The following MGST1 variants were observed in gnomAD, a reference collection of about 807,000 sequenced individuals.
The protein encoded by MGST1 is microsomal glutathione S-transferase 1.
MGST1 carries 5 observed loss-of-function variants against 8.9 expected under a neutral mutation model. The ratio of observed to expected loss-of-function variants is 0.56; its 90% CI spans 0.29 to 1.19. The LOEUF is 1.19. Ranked by LOEUF, MGST1 falls within the 50% of genes most tolerant of loss-of-function variation. MGST1 has a pLI of 0.08. For synonymous variants in MGST1, 54 were observed against 67.8 expected (o/e 0.80, Z 1.00); for missense variants, 182 against 187.4 (o/e 0.97, Z 0.17).
chr12:16,416,751 G>T (rs565882865), intron 1 of MGST1, among the ~76,000 whole-genome samples: 27 of 152,310 alleles, frequency 1.8e-4, no homozygotes, highest in Non-Finnish European at 3.1e-4. Flanking sequence ...ATGGCTGAGG[G>T]TGTATATGTA....
chr12:16,354,278 A>G lies in MGST1; in HGVS notation c.26A>G (p.Asp9Gly). The part of the protein sequence containing the change: MVDLTQVM[D>G]DEVFMAFASY... The stretch of plus-strand genomic sequence containing the variant: ...ATGGTTGACCTCACCCAGGTAATGG[A>G]TGATGAAGTATTCATGGCTTTTGCA... Residue 9 changes from aspartate to glycine, a missense_variant, in exon 2 of 4, where the codon GAT becomes GGT. Physicochemically the swap from Asp to Gly is moderately conservative, Grantham distance 94. Transcript: ENST00000396210. 2 of 1,605,622 alleles carry G rather than the reference A, an allele frequency of 1.2e-6. No individual in the cohort carries two copies. The highest frequency in any genetic ancestry group is 1.1e-5 in the South Asian group (1 of 87,876).
intron 1 of MGST1, among the ~76,000 whole-genome samples, chr12:16,428,268 A>C (rs1940910502): frequency 6.7e-6 from 1 of 150,146 alleles, no homozygotes; most frequent in Non-Finnish European, 1.5e-5. Flanking sequence ...ATTTTCATTG[A>C]TGTTAATCTA....
intron 1 of MGST1, among the ~76,000 whole-genome samples, chr12:16,436,444 G>C (rs1310078485): frequency 6.6e-6 from 1 of 151,804 alleles, no homozygotes; most frequent in Non-Finnish European, 1.5e-5. Context: ...AGTTCATTGA[G>C]GGAAGGAAAT....
At chr12:16,508,345 C>G (rs1941554242) in intron 4 of MGST1, among the ~76,000 whole-genome samples, 1 of 152,180 alleles carries the variant, frequency 6.6e-6, no homozygotes, top group Non-Finnish European at 1.5e-5. Context: ...TTACTTCCCT[C>G]AGAGTACTGT....
chr12:16,574,116 C>T (rs943586435), intron 4 of MGST1, among the ~76,000 whole-genome samples: 2 of 152,038 alleles, frequency 1.3e-5, no homozygotes, highest in African/African-American at 4.8e-5. Flanking sequence ...ACCTACTCTG[C>T]CGATTTGCTC....
chr12:16,381,372 A>C (rs1348146319), downstream of MGST1, among the ~76,000 whole-genome samples: 1 of 152,096 alleles, frequency 6.6e-6, no homozygotes, highest in Non-Finnish European at 1.5e-5. Flanking sequence ...TTGTCTGTAA[A>C]GTATTTTATT....
At chr12:16,386,008 A>G (rs991134492) in intron 1 of MGST1, among the ~76,000 whole-genome samples, 4 of 152,018 alleles carry the variant, frequency 2.6e-5, no homozygotes, top group African/African-American at 9.7e-5. Flanking sequence ...TCTTTGCTTC[A>G]TTTGGTCTTT....
downstream of MGST1, among the ~76,000 whole-genome samples, chr12:16,366,278 T>C (rs1940186349): frequency 6.6e-6 from 1 of 151,522 alleles, no homozygotes; most frequent in Non-Finnish European, 1.5e-5. The surrounding 1 kb of genome is among the most constrained non-coding windows in gnomAD (Gnocchi z 4.0). Context: ...GTAAAAACAA[T>C]TTAGAATAGT....
At chr12:16,479,111 A>G (rs182623772) in intron 4 of MGST1, among the ~76,000 whole-genome samples, 41 of 151,904 alleles carry the variant, frequency 2.7e-4, no homozygotes, top group African/African-American at 8.9e-4. Context: ...CATCTACAGT[A>G]TAGTATAGGA....
chr12:16,462,344 A>C (rs1941226929), intron 4 of MGST1, among the ~76,000 whole-genome samples: 1 of 152,170 alleles, frequency 6.6e-6, no homozygotes, highest in South Asian at 2.1e-4. Flanking sequence ...GACTTTCATA[A>C]GGTTATAATA....
At chr12:16,421,353 T>C (rs1444551008) in intron 1 of MGST1, among the ~76,000 whole-genome samples, 1 of 152,172 alleles carries the variant, frequency 6.6e-6, no homozygotes, top group East Asian at 1.9e-4. Flanking sequence ...AGGCTTAGCT[T>C]AAAGTTTAAT....
chr12:16,467,890 A>T (rs967230104), intron 4 of MGST1, among the ~76,000 whole-genome samples: 1 of 152,092 alleles, frequency 6.6e-6, no homozygotes, highest in African/African-American at 2.4e-5. Flanking sequence ...GAGAAAATGC[A>T]CTCATTTCCA....
At position 16,537,227 on chromosome 12, in the gene MGST1, C is replaced by T. The variant is rs1941761375; in HGVS notation, n.483-52301C>T. On this transcript the variant is annotated intron_variant and non_coding_transcript_variant, in intron 4 of 4. Transcript: ENST00000538857. The surrounding 1 kb of genome is among the most constrained non-coding windows in gnomAD (Gnocchi z 4.6). ...GTGGGGCAGTCAAATTTTAAAGCTCCAAAATTATTTCCTTTGACTCCATGT... is the reference window on the plus strand; with the variant it reads ...GTGGGGCAGTCAAATTTTAAAGCTCTAAAATTATTTCCTTTGACTCCATGT... Among the ~76,000 whole-genome samples the T allele has an allele frequency of 6.6e-6, 1 of 152,182 alleles. No individual in the cohort carries two copies. Among genetic ancestry groups the T allele is most frequent in the Admixed American group, 6.5e-5 (1 of 15,274 alleles).
chr12:16,478,736 A>AC (rs1565461897), intron 4 of MGST1, among the ~76,000 whole-genome samples: 1 of 152,096 alleles, frequency 6.6e-6, no homozygotes, highest in Admixed American at 6.6e-5. Context: ...TTTTGTCCTT[A>AC]CCCCTCAAAA....
intron 4 of MGST1, among the ~76,000 whole-genome samples, chr12:16,496,812 T>C (rs1363349394): frequency 3.3e-5 from 5 of 152,060 alleles, no homozygotes; most frequent in Admixed American, 3.3e-4. Context: ...ATGGTTGCTT[T>C]GGTAGGAGAA....
chr12:16,436,557 G>GA (rs141363129), intron 1 of MGST1, among the ~76,000 whole-genome samples: 8,811 of 147,712 alleles, frequency 0.06, 312 homozygotes, highest in Middle Eastern at 0.11. Flanking sequence ...AAACAGGAAA[G>GA]AAAAAAAAAC....
Position 16,468,351 on chromosome 12 carries a change from C to G in MGST1, n.482+84747C>G, listed in dbSNP as rs1941267856. Among the ~76,000 whole-genome samples the G allele has an allele frequency of 2.6e-5, 4 of 152,024 alleles. No homozygotes were observed. The South Asian group carries it at 8.3e-4, about 32-fold the overall frequency. ...CAATTTTTCAAACATAGAAATTATA[C>G]TTTTTATGGTTTGAAGGCTGAAATG... is the stretch of plus-strand genomic sequence containing the variant. On this transcript the variant is annotated intron_variant and non_coding_transcript_variant, in intron 4 of 4. Transcript: ENST00000538857.
At chr12:16,468,143 C>G (rs1159886217) in intron 4 of MGST1, among the ~76,000 whole-genome samples, 2 of 152,128 alleles carry the variant, frequency 1.3e-5, no homozygotes, top group Non-Finnish European at 2.9e-5. Flanking sequence ...CATTCTATTT[C>G]CATCTGCTTC....
downstream of MGST1, among the ~76,000 whole-genome samples, chr12:16,368,448 A>G (rs146415494): frequency 2.9e-3 from 449 of 152,288 alleles, 2 homozygotes; most frequent in African/African-American, 9.5e-3. Context: ...CAAAAATCCT[A>G]TGATCATCTC....
Sources: gnomAD v4.1 joint callset for allele counts (sites outside exome capture counted in the v4.1 genomes callset) on GRCh38, gnomAD v4.1.1 for gene constraint, Gnocchi (gnomAD v3.1) non-coding constraint, MANE v1.5 for transcripts, NCBI Gene and HGNC (gene_info 2026-07-23, HGNC 2026-07-21) for gene names.